The following GLIS1 variants were observed in gnomAD, a reference collection of about 807,000 sequenced individuals.
GLIS1 encodes the protein GLIS family zinc finger 1.
A neutral mutation model predicts 63.8 loss-of-function variants in GLIS1; 24 were observed. The ratio of observed to expected loss-of-function variants is 0.38; its 90% CI spans 0.27 to 0.53. The LOEUF (loss-of-function observed/expected upper bound fraction) is 0.53. Among genes scored for constraint, GLIS1 ranks in the 20% least tolerant of loss-of-function variants. The pLI, the probability that GLIS1 is intolerant of heterozygous loss-of-function variation, is 0.85. For missense variants in GLIS1, 1,036 were observed against 1,074.1 expected (o/e 0.96, Z 0.50); for synonymous variants, 450 against 482.5 (o/e 0.93, Z 0.88).
intron 4 of GLIS1, among the ~76,000 whole-genome samples, chr1:53,589,036 T>C (rs1645163180): frequency 6.6e-6 from 1 of 152,200 alleles, no homozygotes; most frequent in East Asian, 1.9e-4. Flanking sequence ...TCAGCAGATA[T>C]GGTTGGTATC....
Position 53,509,953 on chromosome 1 carries a change from G to A in GLIS1, c.1958C>T (p.Ser653Phe). ...CTGGCCCCCCGGAGAATGGCTCTGA[G>A]AGGATGGGGGCAGCGGCGGTGGCCC... Reference protein sequence around the residue: ...GLGPPPLPPSSQSHSPGGQPF... With the variant: ...GLGPPPLPPSFQSHSPGGQPF... The change falls in exon 9 of 11, where the codon TCT (serine) becomes TTT (phenylalanine). Residue 653 changes from serine (S) to phenylalanine (F), a missense_variant. Physicochemically the swap from Ser to Phe is radical, Grantham distance 155 (BLOSUM62 -2). Around this residue, in one of 3 missense-constraint regions of GLIS1, gnomAD observed 400 missense variants for 400.9 expected, o/e 1.00. Coordinates refer to ENST00000628545, the MANE Select transcript of GLIS1 (RefSeq NM_001367484.1). 7.7e-7 allele frequency: 1 copy of A among 1,302,040 alleles called. No individual in the cohort carries two copies. Among genetic ancestry groups the A allele is most frequent in the Non-Finnish European group, 9.8e-7 (1 of 1,016,856 alleles). 80.7% of individuals were successfully genotyped at this position (1,302,040 alleles called of 1,614,324 possible).
chr1:53,580,213 G>A (rs376693568), intron 4 of GLIS1, among the ~76,000 whole-genome samples: 4 of 152,150 alleles, frequency 2.6e-5, no homozygotes, highest in African/African-American at 7.2e-5. Context: ...AGAGCCATGA[G>A]CCGCAGAGCC....
intron 4 of GLIS1, among the ~76,000 whole-genome samples, chr1:53,550,736 T>C (rs1336827169): frequency 1.3e-5 from 2 of 151,996 alleles, no homozygotes; most frequent in Non-Finnish European, 2.9e-5. Flanking sequence ...ATATTAACAG[T>C]CCTCTCAACA....
chr1:53,677,835 A>C (rs1646230242), intron 2 of GLIS1, among the ~76,000 whole-genome samples: 3 of 152,214 alleles, frequency 2.0e-5, no homozygotes, highest in Non-Finnish European at 2.9e-5. Context: ...TTCTCGCTTA[A>C]GGGAGGAGCA....
Position 53,560,016 on chromosome 1 carries a change from C to T in GLIS1, c.1321-30064G>A, listed in dbSNP as rs1040707487. Among the ~76,000 whole-genome samples the T allele has an allele frequency of 1.3e-5, 2 of 152,168 alleles. No homozygotes were observed. Among genetic ancestry groups the T allele is most frequent in the African/African-American group, 4.8e-5 (2 of 41,436 alleles). On this transcript the variant is annotated intron_variant, in intron 4 of 10. Transcript: ENST00000628545. This position sits in a 1 kb window ranked among gnomAD's most constrained non-coding sequence, Gnocchi z 4.4. ...CTTCAAGGTCCAACTCAAGTGCTTC[C>T]TCCTCTGGGAAGTGCTCCCTGACTT...
chr1:53,545,300 G>T lies in GLIS1; in HGVS notation c.1321-15348C>A, dbSNP rs74086356. ...TGGTCCATGGACCCCAAGGACAGGG[G>T]GCCTGATGGGGTAGACACAGGCTCC... On this transcript the variant is annotated intron_variant, in intron 4 of 10. Transcript: ENST00000628545. Among the ~76,000 whole-genome samples the T allele has an allele frequency of 5.6e-3, 849 of 152,262 alleles. 8 individuals carry two copies. The highest frequency in any genetic ancestry group is 0.019 in the African/African-American group (802 of 41,534).
rs1292614559 is a variant in GLIS1, at chr1:53,560,896, C to G, written c.1321-30944G>C. Among the ~76,000 whole-genome samples the G allele has an allele frequency of 1.3e-5, 2 of 152,188 alleles. No individual in the cohort carries two copies. The highest frequency in any genetic ancestry group is 2.9e-5 in the Non-Finnish European group (2 of 68,034). ...TCCTGCCCTGCCACTGGTATCCCAC[C>G]CCGCCCTGCCCACAGCCAGGCAGCC... On this transcript the variant is annotated intron_variant, in intron 4 of 10. Transcript: ENST00000628545. The surrounding 1 kb of genome is among the most constrained non-coding windows in gnomAD (Gnocchi z 4.4).
intron 4 of GLIS1, among the ~76,000 whole-genome samples, chr1:53,583,344 G>C (rs1345040844): frequency 6.6e-6 from 1 of 152,204 alleles, no homozygotes; most frequent in Non-Finnish European, 1.5e-5. Context: ...TGTTACTTTT[G>C]GCTTGAAAAC....
chr1:53,710,201 G>C (rs548995319), intron 2 of GLIS1, among the ~76,000 whole-genome samples: 26 of 152,270 alleles, frequency 1.7e-4, no homozygotes, highest in African/African-American at 5.1e-4. Flanking sequence ...TCCATCTCTG[G>C]GGGGCTTTCC....
rs1263471413 is a variant in GLIS1 at position 53,560,045 on chromosome 1, A to G, written c.1321-30093T>C. 6.6e-6 allele frequency among the ~76,000 whole-genome samples: 1 copy of G among 152,158 alleles called. No homozygotes were observed. The highest frequency in any genetic ancestry group is 1.5e-5 in the Non-Finnish European group (1 of 68,024). On this transcript the variant is annotated intron_variant, in intron 4 of 10. Coordinates refer to ENST00000628545, the MANE Select transcript of GLIS1 (RefSeq NM_001367484.1). The surrounding 1 kb of genome is among the most constrained non-coding windows in gnomAD (Gnocchi z 4.4). ...TCTGGGAAGTGCTCCCTGACTTCCC[A>G]GGCAGGATTAGAGGCCCGTAGACTC...
intron 2 of GLIS1, among the ~76,000 whole-genome samples, chr1:53,657,035 C>T (rs1016154101): frequency 6.6e-6 from 1 of 152,192 alleles, no homozygotes; most frequent in Non-Finnish European, 1.5e-5. Context: ...GTCCCCACAC[C>T]TTTGACAAAG....
At chr1:53,656,017 G>C (rs1251036819) in intron 2 of GLIS1, among the ~76,000 whole-genome samples, 3 of 152,218 alleles carry the variant, frequency 2.0e-5, no homozygotes, top group Non-Finnish European at 2.9e-5. Flanking sequence ...CCCATGGCCA[G>C]TGGCCTCTCC....
chr1:53,570,195 A>G (rs1644971216), intron 4 of GLIS1, among the ~76,000 whole-genome samples: 1 of 151,966 alleles, frequency 6.6e-6, no homozygotes, highest in Non-Finnish European at 1.5e-5. Context: ...TAGTTTACTG[A>G]AGACTTGAAC....
At chr1:53,696,643 C>A (rs1646468018) in intron 2 of GLIS1, among the ~76,000 whole-genome samples, 1 of 141,100 alleles carries the variant, frequency 7.1e-6, no homozygotes, top group South Asian at 2.1e-4. Context: ...GGCCCTCCAA[C>A]TTTATTTCTC....
intron 4 of GLIS1, among the ~76,000 whole-genome samples, chr1:53,563,522 G>A (rs1644910324): frequency 6.6e-6 from 1 of 152,128 alleles, no homozygotes; most frequent in South Asian, 2.1e-4. Flanking sequence ...ATTAAACACA[G>A]GTAAGCCAGA....
At chr1:53,729,273 G>C (rs1015920908) in intron 2 of GLIS1, among the ~76,000 whole-genome samples, 1 of 152,152 alleles carries the variant, frequency 6.6e-6, no homozygotes, top group African/African-American at 2.4e-5. Context: ...CAAGCCGCTC[G>C]ATCTGTTTGA....
chr1:53,658,762 C>T (rs948459262), intron 2 of GLIS1, among the ~76,000 whole-genome samples: 1 of 152,204 alleles, frequency 6.6e-6, no homozygotes, highest in South Asian at 2.1e-4. Context: ...TGGTGCACAG[C>T]AGGAGGTAGG....
chr1:53,623,588 A>G (rs1645567196), intron 2 of GLIS1, among the ~76,000 whole-genome samples: 1 of 152,238 alleles, frequency 6.6e-6, no homozygotes. Context: ...AAAAAGAAGC[A>G]TAACTCTTTA....
chr1:53,640,479 G>C lies in GLIS1; in HGVS notation c.260-40201C>G, dbSNP rs1031672089. On this transcript the variant is annotated intron_variant, in intron 2 of 10. Coordinates refer to ENST00000628545, the MANE Select transcript of GLIS1 (RefSeq NM_001367484.1). ...TCAGTTTTTCATCTGACAGCTGGGG[G>C]CTGGACAGTTGGGATCCTCAGGCCC... 5.3e-5 allele frequency among the ~76,000 whole-genome samples: 8 copies of C among 152,156 alleles called. No homozygotes were observed. In the South Asian group the frequency reaches 1.7e-3, roughly 32 times the overall value.
Sources: gnomAD v4.1 joint callset for allele counts (sites outside exome capture counted in the v4.1 genomes callset) on GRCh38, gnomAD v4.1.1 for gene constraint, gnomAD v4.1.1 regional missense constraint, Gnocchi (gnomAD v3.1) non-coding constraint, MANE v1.5 for transcripts, NCBI Gene and HGNC (gene_info 2026-07-23, HGNC 2026-07-21) for gene names.